Variants in EPHB1 observed in about 807,000 individuals in gnomAD.
The protein encoded by EPHB1 is ephrin type-B receptor 1.
EPHB1 carries 30 observed loss-of-function variants against 94.4 expected under a neutral mutation model. The observed-to-expected ratio is 0.32, with a 90% CI of 0.24 to 0.43. EPHB1 has a LOEUF of 0.43. Ranked by LOEUF, EPHB1 falls within the 20% of genes least tolerant of loss-of-function variation. EPHB1 has a pLI of 1.00. For missense variants in EPHB1, 1,055 were observed against 1,308.3 expected (o/e 0.81, Z 2.99); for synonymous variants, 522 against 489.1 (o/e 1.07, Z -0.89).
chr3:134,930,130 C>G (rs2038876516), intron 2 of EPHB1, among the ~76,000 whole-genome samples: 1 of 152,228 alleles, frequency 6.6e-6, no homozygotes, highest in Non-Finnish European at 1.5e-5. Flanking sequence ...GGCAGGCTTT[C>G]AGACCCAGAG....
intron 3 of EPHB1, among the ~76,000 whole-genome samples, chr3:135,076,108 T>A (rs1382894526): frequency 6.6e-6 from 1 of 152,040 alleles, no homozygotes; most frequent in Non-Finnish European, 1.5e-5. Flanking sequence ...CTATAAAATT[T>A]CTAGGAAAAT....
At chr3:134,876,467 G>A (rs546684611) in intron 1 of EPHB1, among the ~76,000 whole-genome samples, 2 of 152,332 alleles carry the variant, frequency 1.3e-5, no homozygotes, top group East Asian at 3.9e-4. Context: ...GGATCCAAGT[G>A]CTCAGGCAAC....
At chr3:134,866,967 A>G (rs1443927049) in intron 1 of EPHB1, among the ~76,000 whole-genome samples, 2 of 151,888 alleles carry the variant, frequency 1.3e-5, no homozygotes, top group South Asian at 2.1e-4. Context: ...TCTGAGCTAC[A>G]TGGGCCAACC....
intron 1 of EPHB1, among the ~76,000 whole-genome samples, chr3:134,860,152 C>CACACACACACACACACAG (rs2037218786): frequency 6.3e-5 from 5 of 79,598 alleles, no homozygotes; most frequent in South Asian, 4.7e-4. Context: ...AAGGAAGGGA[C>CACACACACACACACACAG]ACACACACAC....
At chr3:135,208,364 G>A (rs145332677) in intron 12 of EPHB1, among the ~76,000 whole-genome samples, 3 of 151,650 alleles carry the variant, frequency 2.0e-5, no homozygotes, top group Non-Finnish European at 2.9e-5. Flanking sequence ...AGATGCACAC[G>A]TGTGGCCCGA....
At chr3:135,079,095 A>C (rs1355294609) in intron 3 of EPHB1, among the ~76,000 whole-genome samples, 1 of 140,410 alleles carries the variant, frequency 7.1e-6, no homozygotes, top group Non-Finnish European at 1.6e-5. Flanking sequence ...GCAAAAAAAA[A>C]ACAAAACAAA....
chr3:134,888,813 C>T (rs1293320727), intron 1 of EPHB1, among the ~76,000 whole-genome samples: 1 of 152,116 alleles, frequency 6.6e-6, no homozygotes, highest in African/African-American at 2.4e-5. Context: ...TTGAGTGGCA[C>T]CATGTGCTGG....
At chr3:135,099,738 T>C (rs540479595) in intron 3 of EPHB1, among the ~76,000 whole-genome samples, 3 of 152,298 alleles carry the variant, frequency 2.0e-5, no homozygotes, top group Admixed American at 2.0e-4. Flanking sequence ...TGCAGAGCTG[T>C]TTGCATGACC....
In EPHB1 at chr3:134,795,527, A is replaced by T. The variant is rs2035804070; in HGVS notation, c.-105A>T. ...CCGGTCCGGGCGAGAGCGCGAAAGG[A>T]TACCGAGAAGCCACCCGCGGAGAGC... On this transcript the variant is annotated 5_prime_UTR_variant, in exon 1 of 16. Coordinates refer to ENST00000398015, the MANE Select transcript of EPHB1 (RefSeq NM_004441.5). 1.1e-5 allele frequency: 12 copies of T among 1,111,972 alleles called. No homozygotes were observed. The South Asian group carries it at 1.6e-4, about 15-fold the overall frequency. 68.9% of individuals were successfully genotyped at this position (1,111,972 alleles called of 1,614,324 possible). A position where few individuals can be genotyped will look rare whatever the true frequency, so the allele number is the denominator to read the frequency against.
intron 3 of EPHB1, among the ~76,000 whole-genome samples, chr3:134,954,339 T>C (rs752294313): frequency 6.6e-6 from 1 of 152,132 alleles, no homozygotes; most frequent in Non-Finnish European, 1.5e-5. Flanking sequence ...GGGAAGTGCA[T>C]TTGGAAGTAC....
At chr3:135,005,243 T>A (rs1935353955) in intron 3 of EPHB1, among the ~76,000 whole-genome samples, 1 of 152,214 alleles carries the variant, frequency 6.6e-6, no homozygotes. Context: ...GTGCCCCTGC[T>A]GGGGGGTGCC....
chr3:135,079,469 T>C (rs1489344583), intron 3 of EPHB1, among the ~76,000 whole-genome samples: 1 of 152,208 alleles, frequency 6.6e-6, no homozygotes, highest in Non-Finnish European at 1.5e-5. Context: ...TAGAGACTTC[T>C]GCCTGCTGTT....
intron 1 of EPHB1, among the ~76,000 whole-genome samples, chr3:134,837,733 G>A (rs2036699170): frequency 6.6e-6 from 1 of 152,232 alleles, no homozygotes; most frequent in African/African-American, 2.4e-5. Flanking sequence ...CTGGCCCTCA[G>A]ATATTGAACA....
chr3:135,039,350 C>A (rs1403796956), intron 3 of EPHB1, among the ~76,000 whole-genome samples: 2 of 152,360 alleles, frequency 1.3e-5, no homozygotes, highest in African/African-American at 4.8e-5. Flanking sequence ...GACTCAGGAG[C>A]CCAGCTGGCT....
chr3:135,250,097 T>G (rs1933004655), intron 15 of EPHB1, among the ~76,000 whole-genome samples: 4 of 152,204 alleles, frequency 2.6e-5, no homozygotes, highest in Non-Finnish European at 5.9e-5. Flanking sequence ...TGGGAAATGT[T>G]AATAGGTTCT....
chr3:134,872,742 C>A (rs1473749352), intron 1 of EPHB1, among the ~76,000 whole-genome samples: 6 of 152,194 alleles, frequency 3.9e-5, no homozygotes, highest in Admixed American at 2.6e-4. Flanking sequence ...CTTAGTACTT[C>A]CCCCTCCCCA....
In EPHB1 at chr3:134,971,177, G is replaced by A. The variant is rs140719069; in HGVS notation, c.805+19125G>A. 2.5e-3 allele frequency among the ~76,000 whole-genome samples: 377 copies of A among 152,290 alleles called. 1 individual carries two copies. Among genetic ancestry groups the A allele is most frequent in the African/African-American group, 8.7e-3 (360 of 41,566 alleles). Reference sequence around the variant, plus strand: ...TGAGGCTTAACTTATCAAGTGTGGGGCCCAGGGAATCTGAGATGCAAGCAG... The same window carrying A: ...TGAGGCTTAACTTATCAAGTGTGGGACCCAGGGAATCTGAGATGCAAGCAG... On this transcript the variant is annotated intron_variant, in intron 3 of 15. Transcript: ENST00000398015.
At chr3:134,971,723 A>G (rs1314881336) in intron 3 of EPHB1, among the ~76,000 whole-genome samples, 1 of 152,152 alleles carries the variant, frequency 6.6e-6, no homozygotes, top group Non-Finnish European at 1.5e-5. Flanking sequence ...GATCCTGTCA[A>G]ACAGCCCTGC....
chr3:135,126,994 C>T (rs1203563266), intron 4 of EPHB1, among the ~76,000 whole-genome samples: 1 of 152,134 alleles, frequency 6.6e-6, no homozygotes, highest in African/African-American at 2.4e-5. Flanking sequence ...CTACTACTAC[C>T]ACTAGCCTCT....
Sources: allele counts gnomAD v4.1 joint callset (sites outside exome capture counted in the v4.1 genomes callset), GRCh38; gene constraint gnomAD v4.1.1; transcripts MANE v1.5; gene names NCBI Gene and HGNC (gene_info 2026-07-23, HGNC 2026-07-21).